The following TAFA4 variants were observed in gnomAD, a reference collection of about 807,000 sequenced individuals.
TAFA4 encodes TAFA chemokine like family member 4, also known as chemokine-like protein TAFA-4.
In TAFA4, 20 loss-of-function variants were observed where a neutral mutation model predicts 21.1. The observed-to-expected ratio is 0.95, with a 90% CI of 0.67 to 1.38. TAFA4 has a LOEUF of 1.38. TAFA4 is among the 40% of genes most tolerant of loss of function. TAFA4 has a pLI of 0.00. For synonymous variants in TAFA4, 71 were observed against 67.4 expected (o/e 1.05, Z -0.26); for missense variants, 211 against 180.9 (o/e 1.17, Z -0.95).
chr3:68,809,922 T>C (rs767150886), intron 3 of TAFA4, among the ~76,000 whole-genome samples: 19 of 152,220 alleles, frequency 1.2e-4, no homozygotes, highest in Non-Finnish European at 2.5e-4. Flanking sequence ...CCTTGGTCTA[T>C]GTATCTGTTT....
intron 4 of TAFA4, among the ~76,000 whole-genome samples, chr3:68,747,046 A>C (rs1468244881): frequency 6.6e-6 from 1 of 152,180 alleles, no homozygotes; most frequent in African/African-American, 2.4e-5. Flanking sequence ...CTGGTTGAGA[A>C]ACTGATCTAC....
At chr3:68,904,079 A>C (rs985284810) in intron 1 of TAFA4, among the ~76,000 whole-genome samples, 7 of 152,132 alleles carry the variant, frequency 4.6e-5, no homozygotes, top group African/African-American at 1.7e-4. Flanking sequence ...AAAAAAAAAA[A>C]AACAATTTGC....
intron 3 of TAFA4, among the ~76,000 whole-genome samples, chr3:68,871,618 T>G (rs1013405077): frequency 6.6e-6 from 1 of 151,996 alleles, no homozygotes; most frequent in Non-Finnish European, 1.5e-5. Flanking sequence ...AGATAACCTA[T>G]GAAAAGGCCA....
intron 3 of TAFA4, among the ~76,000 whole-genome samples, chr3:68,809,633 G>A (rs1279729745): frequency 6.9e-6 from 1 of 145,190 alleles, no homozygotes; most frequent in Non-Finnish European, 1.5e-5. Context: ...AAAAATTATT[G>A]CCCAGATCAG....
In TAFA4 at chr3:68,886,348, T is replaced by C. The variant is rs78119706; in HGVS notation, c.-122-1038A>G. Among the ~76,000 whole-genome samples, 1,051 of 152,300 alleles carry C rather than the reference T, an allele frequency of 6.9e-3. 7 individuals carry two copies. Among genetic ancestry groups the C allele is most frequent in the African/African-American group, 0.024 (1,008 of 41,570 alleles). On this transcript the variant is annotated intron_variant, in intron 1 of 5. Coordinates refer to ENST00000295569, the MANE Select transcript of TAFA4 (RefSeq NM_182522.5). Reference sequence around the variant, plus strand: ...AGAGAAATGGCTTTAAATAGCTGTATAAACACAAGTTGCTCAGAAAAAACA... The same window carrying C: ...AGAGAAATGGCTTTAAATAGCTGTACAAACACAAGTTGCTCAGAAAAAACA...
At chr3:68,833,909 T>C (rs2106882925) in intron 3 of TAFA4, among the ~76,000 whole-genome samples, 1 of 152,322 alleles carries the variant, frequency 6.6e-6, no homozygotes, top group African/African-American at 2.4e-5. Flanking sequence ...TTGCCTCAAC[T>C]GTAAAGTGTT....
chr3:68,921,163 G>A (rs1351884912), intron 1 of TAFA4, among the ~76,000 whole-genome samples: 5 of 152,066 alleles, frequency 3.3e-5, no homozygotes, highest in Non-Finnish European at 7.4e-5. Flanking sequence ...ACACCCTGCT[G>A]CCCGCAAGAG....
At chr3:68,749,716 A>C (rs1301657575) in intron 4 of TAFA4, among the ~76,000 whole-genome samples, 1 of 152,190 alleles carries the variant, frequency 6.6e-6, no homozygotes, top group African/African-American at 2.4e-5. Flanking sequence ...GAAAGACACA[A>C]TCTCACCTTT....
chr3:68,865,472 T>C (rs1455018184), intron 3 of TAFA4, among the ~76,000 whole-genome samples: 2 of 152,068 alleles, frequency 1.3e-5, no homozygotes, highest in African/African-American at 4.8e-5. Flanking sequence ...CGAGATCTGA[T>C]GGTTTTATAA....
chr3:68,861,037 C>CA (rs1382262039), intron 3 of TAFA4, among the ~76,000 whole-genome samples: 5 of 133,626 alleles, frequency 3.7e-5, no homozygotes, highest in African/African-American at 1.3e-4. Context: ...TGCACCCCCC[C>CA]CCCGCCCCCA....
At chr3:68,839,142 T>C (rs1704595206) in intron 3 of TAFA4, among the ~76,000 whole-genome samples, 1 of 152,100 alleles carries the variant, frequency 6.6e-6, no homozygotes, top group South Asian at 2.1e-4. Flanking sequence ...ATGTGGAGAT[T>C]ATATTCTAGC....
intron 1 of TAFA4, among the ~76,000 whole-genome samples, chr3:68,891,597 T>C (rs2089731330): frequency 6.6e-6 from 1 of 152,202 alleles, no homozygotes; most frequent in South Asian, 2.1e-4. Flanking sequence ...CCTAAAGCGT[T>C]TAGATATTGT....
intron 1 of TAFA4, among the ~76,000 whole-genome samples, chr3:68,924,560 G>A (rs779144734): frequency 6.6e-6 from 1 of 152,118 alleles, no homozygotes; most frequent in Middle Eastern, 3.2e-3. Context: ...AATGGGCAAT[G>A]GTAGCTTAAC....
At position 68,733,175 on chromosome 3, in the gene TAFA4, G is replaced by C. The variant is rs2106717167; in HGVS notation, c.412-22C>G. On this transcript the variant is annotated intron_variant, in intron 5 of 5. Transcript: ENST00000295569. ...TTACCTAAAACAAATCAAAATAAGG[G>C]AACATTCAACACTCTATACCCACCG... 5 of 1,612,232 alleles carry C rather than the reference G, an allele frequency of 3.1e-6. No homozygotes were observed. In the East Asian group the frequency reaches 8.9e-5, roughly 29 times the overall value.
chr3:68,785,257 G>C (rs999974697), intron 3 of TAFA4, among the ~76,000 whole-genome samples: 5 of 152,242 alleles, frequency 3.3e-5, no homozygotes, highest in Admixed American at 2.6e-4. Flanking sequence ...TCACCCAGTG[G>C]ATCTCGCACT....
intron 3 of TAFA4, among the ~76,000 whole-genome samples, chr3:68,845,501 GC>G (rs1440306461): frequency 1.3e-5 from 2 of 152,094 alleles, no homozygotes; most frequent in East Asian, 3.9e-4. Context: ...TTTAATTGGG[GC>G]CTTTAGCCCA....
At chr3:68,818,228 T>G (rs1704031616) in intron 3 of TAFA4, among the ~76,000 whole-genome samples, 1 of 152,208 alleles carries the variant, frequency 6.6e-6, no homozygotes, top group South Asian at 2.1e-4. Context: ...ACCTTCCAAC[T>G]TCTCTTCTGG....
chr3:68,854,463 C>T (rs1705021553), intron 3 of TAFA4, among the ~76,000 whole-genome samples: 1 of 152,064 alleles, frequency 6.6e-6, no homozygotes, highest in African/African-American at 2.4e-5. Flanking sequence ...GATTCATATA[C>T]ATTTTCACTA....
At chr3:68,811,266 C>T (rs1372887811) in intron 3 of TAFA4, among the ~76,000 whole-genome samples, 1 of 152,128 alleles carries the variant, frequency 6.6e-6, no homozygotes, top group Non-Finnish European at 1.5e-5. Flanking sequence ...ATCAGAGTAC[C>T]TCTCCTCCTC....
Sources: allele counts gnomAD v4.1 joint callset (sites outside exome capture counted in the v4.1 genomes callset), GRCh38; gene constraint gnomAD v4.1.1; transcripts MANE v1.5; gene names NCBI Gene and HGNC (gene_info 2026-07-23, HGNC 2026-07-21).